TPCN1: variants seen among roughly 807,000 people sequenced by gnomAD.
TPCN1 encodes two pore segment channel 1, also known as two pore channel protein 1.
In TPCN1, 52 loss-of-function variants were observed where a neutral mutation model predicts 108.8. That is an observed-to-expected ratio of 0.48 (90% CI 0.38 to 0.60). The LOEUF is 0.60. TPCN1 is among the 20% of genes least tolerant of loss of function. The pLI is 0.00. For synonymous variants in TPCN1, 446 were observed against 433.7 expected, an observed-to-expected ratio of 1.03 and a Z score of -0.35; for missense variants, 806 against 1,072.8, an observed-to-expected ratio of 0.75 and a Z score of 3.47.
chr12:113,222,718 CT>C (rs375479850), intron 1 of TPCN1, among the ~76,000 whole-genome samples: 7 of 151,280 alleles, frequency 4.6e-5, no homozygotes, highest in African/African-American at 1.7e-4. Flanking sequence ...CCCCCTGCCT[CT>C]TTTTTTTTAG....
chr12:113,290,826 C>T, intron 22 of TPCN1, 126 bp from the exon 23 acceptor site: 1 of 868,590 alleles, frequency 1.2e-6, no homozygotes, highest in Non-Finnish European at 1.9e-6. Context: ...GCTCACAACC[C>T]AAGCGGTCAT....
intron 12 of TPCN1, among the ~76,000 whole-genome samples, chr12:113,277,878 A>G (rs1441228940): frequency 2.0e-5 from 3 of 152,332 alleles, no homozygotes; most frequent in East Asian, 3.9e-4. Flanking sequence ...CCTGCTAAAA[A>G]GTGAAGTTTC....
rs896988624 is a variant in TPCN1 at position 113,289,248 on chromosome 12, GC to G, written c.1796+402del. On this transcript the variant is annotated intron_variant, in intron 21 of 27. Transcript: ENST00000335509. The surrounding 1 kb of genome is among the most constrained non-coding windows in gnomAD (Gnocchi z 4.1). The stretch of plus-strand genomic sequence containing the variant: ...CGGACACGTGCAGGAAGGTCATGGT[GC>G]TCAGGGATGGGGAGCAGAGAGTGAA... Among the ~76,000 whole-genome samples, 131 of 152,336 alleles carry G rather than the reference GC, an allele frequency of 8.6e-4. No homozygotes were observed. Among genetic ancestry groups the G allele is most frequent in the African/African-American group, 2.6e-3 (109 of 41,574 alleles).
intron 2 of TPCN1, among the ~76,000 whole-genome samples, chr12:113,229,557 C>T (rs577797751): frequency 2.6e-5 from 4 of 152,358 alleles, no homozygotes; most frequent in South Asian, 2.1e-4. Context: ...GGCACAATCT[C>T]GGCTCATTGC....
chr12:113,266,105 C>G lies in TPCN1; in HGVS notation c.238-75C>G. The G allele has an allele frequency of 1.3e-6, 2 of 1,534,214 alleles. No individual in the cohort carries two copies. The highest frequency in any genetic ancestry group is 1.8e-6 in the Non-Finnish European group (2 of 1,121,906). ...CGCCTGCCTGGGGCCTTCCTTTCCT[C>G]CCCTGCCCGCGGCTCCTCTTTGGCG... On this transcript the variant is annotated intron_variant, in intron 3 of 27. Transcript: ENST00000335509. This position sits in a 1 kb window ranked among gnomAD's most constrained non-coding sequence, Gnocchi z 4.2.
At chr12:113,243,455 T>C (rs1054083255) in intron 2 of TPCN1, among the ~76,000 whole-genome samples, 1 of 151,832 alleles carries the variant, frequency 6.6e-6, no homozygotes, top group Non-Finnish European at 1.5e-5. Flanking sequence ...CACAGACTCA[T>C]GCCTGTAATC....
intron 2 of TPCN1, among the ~76,000 whole-genome samples, chr12:113,237,991 T>A (rs1409328229): frequency 1.3e-5 from 2 of 152,174 alleles, no homozygotes; most frequent in Non-Finnish European, 2.9e-5. Context: ...GCAGATAAGT[T>A]CCTGCTTTGT....
chr12:113,230,749 C>A (rs1189405872), intron 2 of TPCN1, among the ~76,000 whole-genome samples: 2 of 152,218 alleles, frequency 1.3e-5, no homozygotes, highest in Admixed American at 6.5e-5. Flanking sequence ...AGCCACCATG[C>A]CTGGCCCATC....
Position 113,271,785 on chromosome 12 carries a change from C to T in TPCN1, c.749-873C>T, listed in dbSNP as rs966894930. Among the ~76,000 whole-genome samples, 4 of 152,342 alleles carry T rather than the reference C, an allele frequency of 2.6e-5. No individual in the cohort carries two copies. The South Asian group carries it at 6.2e-4, about 24-fold the overall frequency. ...AGGCGCTTGCCTGGGCCCTGAGAGACGGCAAGCTTCAGCTTCACTGGGTAC... is the reference window on the plus strand; with the variant it reads ...AGGCGCTTGCCTGGGCCCTGAGAGATGGCAAGCTTCAGCTTCACTGGGTAC... On this transcript the variant is annotated intron_variant, in intron 7 of 27. Coordinates refer to ENST00000335509, the MANE Select transcript of TPCN1 (RefSeq NM_017901.6).
chr12:113,241,377 A>C (rs961856027), intron 2 of TPCN1, among the ~76,000 whole-genome samples: 41 of 152,336 alleles, frequency 2.7e-4, no homozygotes, highest in African/African-American at 9.6e-4. Flanking sequence ...CAGCAGATCC[A>C]GGTGCTGGGG....
chr12:113,294,389 G>A lies in TPCN1; in HGVS notation c.2334+1040G>A, dbSNP rs375146650. On this transcript the variant is annotated intron_variant, in intron 27 of 27. Transcript: ENST00000335509. ...TGCCTGTAATCCCAGCACTTTGGGAGGCCAAGGCAGGCGGATCACTTGATG... is the reference window on the plus strand; with the variant it reads ...TGCCTGTAATCCCAGCACTTTGGGAAGCCAAGGCAGGCGGATCACTTGATG... Among the ~76,000 whole-genome samples, 12 of 152,292 alleles carry A rather than the reference G, an allele frequency of 7.9e-5. No homozygotes were observed. The East Asian group carries it at 2.1e-3, about 27-fold the overall frequency.
intron 2 of TPCN1, among the ~76,000 whole-genome samples, chr12:113,253,236 A>G (rs975815165): frequency 9.2e-5 from 14 of 152,184 alleles, no homozygotes; most frequent in African/African-American, 3.4e-4. Flanking sequence ...GATAGATACA[A>G]TGTATTTAGA....
intron 11 of TPCN1, 50 bp downstream of exon 11, chr12:113,277,085 G>T (rs539383159): frequency 6.3e-7 from 1 of 1,595,206 alleles, no homozygotes; most frequent in Non-Finnish European, 8.6e-7. Flanking sequence ...TCCCTCCCTT[G>T]CCCAGAGCAG....
At chr12:113,251,235 A>T (rs1954619158) in intron 2 of TPCN1, among the ~76,000 whole-genome samples, 1 of 152,196 alleles carries the variant, frequency 6.6e-6, no homozygotes, top group African/African-American at 2.4e-5. Flanking sequence ...TAAGAGGTTG[A>T]GGCTGCAGTG....
intron 2 of TPCN1, chr12:113,244,614 G>A (rs1954277104): frequency 3.0e-6 from 3 of 985,292 alleles, no homozygotes; most frequent in Non-Finnish European, 3.6e-6. Context: ...GTGTCACTCT[G>A]GTTTATTTTC....
intron 27 of TPCN1, 42 bp from the exon 28 acceptor site, chr12:113,295,918 G>T: frequency 6.5e-7 from 1 of 1,527,368 alleles, no homozygotes; most frequent in Non-Finnish European, 8.8e-7. Flanking sequence ...GGGGCAGGGG[G>T]TGGGGTGCAG....
At chr12:113,277,206 C>T in intron 11 of TPCN1, 34 bp from the exon 12 acceptor site, 1 of 1,611,194 alleles carries the variant, frequency 6.2e-7, no homozygotes, top group Non-Finnish European at 8.5e-7. Context: ...AGGGGAGTAG[C>T]CTGGGTTCCA....
rs1162125072 is a variant in TPCN1 at position 113,266,871 on chromosome 12, A to G, written c.414+515A>G. ...TGGTAGGCATGGAAGCAGGGAAGGG[A>G]GCCTGTGCCTGTTGAGTTAGGAAGC... On this transcript the variant is annotated intron_variant, in intron 4 of 27. Coordinates refer to ENST00000335509, the MANE Select transcript of TPCN1 (RefSeq NM_017901.6). This position sits in a 1 kb window ranked among gnomAD's most constrained non-coding sequence, Gnocchi z 4.2. 6.6e-6 allele frequency among the ~76,000 whole-genome samples: 1 copy of G among 152,126 alleles called. No individual in the cohort carries two copies. The highest frequency in any genetic ancestry group is 1.5e-5 in the Non-Finnish European group (1 of 68,012).
chr12:113,266,482 A>T lies in TPCN1; in HGVS notation c.414+126A>T. On this transcript the variant is annotated intron_variant, in intron 4 of 27. Transcript: ENST00000335509. This position sits in a 1 kb window ranked among gnomAD's most constrained non-coding sequence, Gnocchi z 4.2. ...AACGGACTTAAAACAGAGAGATACG[A>T]GGTGGTCATAGAGGCCTTGGGAGCG... 2 of 1,307,834 alleles carry T rather than the reference A, an allele frequency of 1.5e-6. No homozygotes were observed. The highest frequency in any genetic ancestry group is 2.1e-6 in the Non-Finnish European group (2 of 946,564). 81.0% of individuals were successfully genotyped at this position (1,307,834 alleles called of 1,614,324 possible).
Sources: allele counts gnomAD v4.1 joint callset (sites outside exome capture counted in the v4.1 genomes callset), GRCh38; gene constraint gnomAD v4.1.1; non-coding constraint Gnocchi (gnomAD v3.1); transcripts MANE v1.5; gene names NCBI Gene and HGNC (gene_info 2026-07-23, HGNC 2026-07-21).